Variants in NTM observed in about 807,000 individuals in gnomAD.
NTM encodes neurotrimin, also known as IgLON family member 2.
In NTM, 13 loss-of-function variants were observed where a neutral mutation model predicts 42.1. The ratio of observed to expected loss-of-function variants is 0.31; its 90% CI spans 0.20 to 0.49. NTM has a LOEUF of 0.49. Among genes scored for constraint, NTM ranks in the 20% least tolerant of loss-of-function variants. The pLI, the probability that NTM is intolerant of heterozygous loss-of-function variation, is 0.99. For synonymous variants in NTM, 187 were observed against 179.2 expected, an observed-to-expected ratio of 1.04 and a Z score of -0.35; for missense variants, 373 against 452.8, an observed-to-expected ratio of 0.82 and a Z score of 1.60.
chr11:131,879,252 G>C (rs548561062), intron 1 of NTM, among the ~76,000 whole-genome samples: 24 of 152,192 alleles, frequency 1.6e-4, no homozygotes, highest in Non-Finnish European at 3.4e-4. Flanking sequence ...GGTGCATCTG[G>C]GTGGAAACAT....
At chr11:131,404,552 G>A (rs968065912) in intron 1 of NTM, among the ~76,000 whole-genome samples, 1 of 152,052 alleles carries the variant, frequency 6.6e-6, no homozygotes, top group African/African-American at 2.4e-5. Flanking sequence ...TCTATATACT[G>A]GTGACTGCCA....
chr11:131,616,133 T>C (rs1221757175), intron 1 of NTM, among the ~76,000 whole-genome samples: 1 of 152,144 alleles, frequency 6.6e-6, no homozygotes, highest in African/African-American at 2.4e-5. Flanking sequence ...CATCAAGAGG[T>C]AGCAAATCAT....
At chr11:132,258,728 A>G (rs1305017528) in intron 4 of NTM, among the ~76,000 whole-genome samples, 1 of 152,230 alleles carries the variant, frequency 6.6e-6, no homozygotes, top group African/African-American at 2.4e-5. Flanking sequence ...TGTGTGGCCC[A>G]CTATTTCCGT....
intron 1 of NTM, among the ~76,000 whole-genome samples, chr11:131,770,396 C>T (rs2085874396): frequency 6.6e-6 from 1 of 152,148 alleles, no homozygotes; most frequent in East Asian, 1.9e-4. Context: ...TTGTCTCTTC[C>T]TTCTATCAGC....
intron 1 of NTM, among the ~76,000 whole-genome samples, chr11:131,523,846 T>C (rs2050099285): frequency 6.9e-6 from 1 of 144,040 alleles, no homozygotes; most frequent in Non-Finnish European, 1.5e-5. Flanking sequence ...GACATTAAGG[T>C]ATATCTGGAA....
rs542655034 is a variant in NTM, at chr11:131,900,549, A to T, written c.83-11015A>T. 2.6e-5 allele frequency among the ~76,000 whole-genome samples: 4 copies of T among 152,320 alleles called. No individual in the cohort carries two copies. In the South Asian group the frequency reaches 6.2e-4, roughly 24 times the overall value. On this transcript the variant is annotated intron_variant, in intron 1 of 8. Coordinates refer to ENST00000683400, the MANE Select transcript of NTM (RefSeq NM_001352005.2). Reference sequence around the variant, plus strand: ...GGAATCCAGATAAGAAAATGAGGAGATCTTGGCTTGGGCCAGGCAAGGCAG... The same window carrying T: ...GGAATCCAGATAAGAAAATGAGGAGTTCTTGGCTTGGGCCAGGCAAGGCAG...
intron 4 of NTM, among the ~76,000 whole-genome samples, chr11:132,212,365 T>C (rs894965759): frequency 6.6e-5 from 10 of 152,162 alleles, no homozygotes; most frequent in Non-Finnish European, 7.4e-5. Context: ...ATCTCTCCAG[T>C]CCCTTGGAAA....
intron 2 of NTM, among the ~76,000 whole-genome samples, chr11:131,952,516 T>G (rs138337115): frequency 6.6e-6 from 1 of 152,122 alleles, no homozygotes; most frequent in Admixed American, 6.5e-5. Context: ...ATTTACACAC[T>G]CTCTCTCTCA....
At chr11:131,797,942 T>C (rs1004230228) in intron 1 of NTM, among the ~76,000 whole-genome samples, 1 of 152,078 alleles carries the variant, frequency 6.6e-6, no homozygotes, top group Admixed American at 6.5e-5. Context: ...TTCAACTCGG[T>C]TTTGTTTGTA....
chr11:131,790,608 G>T (rs1477921037), intron 1 of NTM, among the ~76,000 whole-genome samples: 1 of 152,204 alleles, frequency 6.6e-6, no homozygotes, highest in Non-Finnish European at 1.5e-5. Flanking sequence ...GTAGGCAAAT[G>T]TTGCAATGTC....
chr11:132,090,700 C>A (rs1439247402), intron 2 of NTM, among the ~76,000 whole-genome samples: 2 of 152,090 alleles, frequency 1.3e-5, no homozygotes, highest in African/African-American at 4.8e-5. Flanking sequence ...TCTTCCCCTT[C>A]TTCCCCATCC....
Position 131,449,961 on chromosome 11 carries a change from GATTAGGAGACCTGGA to G in NTM, c.82+79076_82+79090del, listed in dbSNP as rs537501853. Among the ~76,000 whole-genome samples the G allele has an allele frequency of 2.7e-4, 41 of 152,300 alleles. 1 individual carries two copies. In the South Asian group the frequency reaches 8.1e-3, roughly 30 times the overall value. On this transcript the variant is annotated intron_variant, in intron 1 of 8. Transcript: ENST00000683400. ...CCCATGTTTACTCACGCACGCATTGGATTAGGAGACCTGGAATCTGAGATGTCCCAGCAAGCTTTA... is the reference window on the plus strand; with the variant it reads ...CCCATGTTTACTCACGCACGCATTGGATCTGAGATGTCCCAGCAAGCTTTA...
intron 2 of NTM, among the ~76,000 whole-genome samples, chr11:132,048,256 G>A (rs1306510181): frequency 1.3e-5 from 2 of 152,066 alleles, no homozygotes; most frequent in African/African-American, 2.4e-5. Flanking sequence ...CCCCCATGCC[G>A]CCACCTCCTC....
chr11:132,131,618 G>A (rs1463748481), intron 2 of NTM, among the ~76,000 whole-genome samples: 1 of 152,070 alleles, frequency 6.6e-6, no homozygotes, highest in Non-Finnish European at 1.5e-5. Flanking sequence ...GCATGGGAGA[G>A]CATGCCACAC....
chr11:131,680,761 G>C (rs2072478585), intron 1 of NTM, among the ~76,000 whole-genome samples: 1 of 148,296 alleles, frequency 6.7e-6, no homozygotes, highest in Non-Finnish European at 1.5e-5. Context: ...CTGTGTGTGA[G>C]ATCATGCCTA....
chr11:132,146,466 C>A lies in NTM; in HGVS notation c.352C>A (p.Gln118Lys). Residue 118 changes from glutamine to lysine, a missense_variant, in exon 3 of 9, where the codon CAG becomes AAG. By Grantham distance (53) the Gln-to-Lys change is moderately conservative (BLOSUM62 1). This residue lies in a region of NTM where 312 missense variants were observed against 353.5 expected (regional missense o/e 0.88). Transcript: ENST00000683400. This position sits in a 1 kb window ranked among gnomAD's most constrained non-coding sequence, Gnocchi z 4.5. ...YDEGPYTCSVQTDNHPKTSRV... is the reference protein window; with the variant it reads ...YDEGPYTCSVKTDNHPKTSRV... ...CGAGGGCCCTTACACCTGCTCGGTG[C>A]AGACAGACAACCACCCAAAGACCTC... The A allele has an allele frequency of 6.2e-7, 1 of 1,614,148 alleles. No homozygotes were observed. Among genetic ancestry groups the A allele is most frequent in the Non-Finnish European group, 8.5e-7 (1 of 1,180,018 alleles).
rs1943983610 is a variant in NTM, at chr11:131,391,543, A to G, written c.82+20655A>G. 3.4e-5 allele frequency among the ~76,000 whole-genome samples: 5 copies of G among 148,286 alleles called. No homozygotes were observed. In the South Asian group the frequency reaches 1.1e-3, roughly 32 times the overall value. ...GGGATTGATTTTTACAGTATGTTTA[A>G]TAGGGGAAAAGAAAGAAAGGTGTTG... is the stretch of plus-strand genomic sequence containing the variant. On this transcript the variant is annotated intron_variant, in intron 1 of 8. Coordinates refer to ENST00000683400, the MANE Select transcript of NTM (RefSeq NM_001352005.2).
intron 2 of NTM, among the ~76,000 whole-genome samples, chr11:131,979,602 C>T (rs1342106196): frequency 2.0e-5 from 3 of 152,126 alleles, no homozygotes; most frequent in Non-Finnish European, 4.4e-5. Context: ...TCTTAGTGGC[C>T]ATTAATTCAT....
intron 6 of NTM, among the ~76,000 whole-genome samples, chr11:132,313,663 C>A (rs182919826): frequency 3.8e-4 from 58 of 152,278 alleles, no homozygotes; most frequent in African/African-American, 1.3e-3. Flanking sequence ...TAACAACTTC[C>A]TGAGAAGGAG....
Sources: allele counts gnomAD v4.1 joint callset (sites outside exome capture counted in the v4.1 genomes callset), GRCh38; gene constraint gnomAD v4.1.1; regional missense constraint gnomAD v4.1.1; non-coding constraint Gnocchi (gnomAD v3.1); transcripts MANE v1.5; gene names NCBI Gene and HGNC (gene_info 2026-07-23, HGNC 2026-07-21).